Variants in MYO16 observed in about 807,000 individuals in gnomAD.
MYO16 encodes the protein myosin XVI, also known as unconventional myosin-XVI.
MYO16 carries 94 observed loss-of-function variants against 205.3 expected under a neutral mutation model. The observed-to-expected ratio is 0.46, with a 90% CI of 0.39 to 0.54. The LOEUF (loss-of-function observed/expected upper bound fraction) is 0.54, where lower values mean the gene tolerates loss of function less well. Among genes scored for constraint, MYO16 ranks in the 20% least tolerant of loss-of-function variants. The probability of loss-of-function intolerance (pLI) is 0.00; values close to 1 mark genes in which losing one functional copy is unlikely to be tolerated. For synonymous variants in MYO16, 988 were observed against 954.0 expected, an observed-to-expected ratio of 1.04 and a Z score of -0.66; for missense variants, 2,315 against 2,387.5, an observed-to-expected ratio of 0.97 and a Z score of 0.63.
At chr13:108,675,409 G>A (rs1422130806) in intron 2 of MYO16, among the ~76,000 whole-genome samples, 2 of 152,188 alleles carry the variant, frequency 1.3e-5, no homozygotes, top group Non-Finnish European at 2.9e-5. Flanking sequence ...ACAAAAGCTT[G>A]CAAATTAATT....
At chr13:109,185,780 C>T (rs528128352) in intron 34 of MYO16, among the ~76,000 whole-genome samples, 2 of 152,290 alleles carry the variant, frequency 1.3e-5, no homozygotes, top group African/African-American at 2.4e-5. Flanking sequence ...GAAGTTTGCA[C>T]GTAGCCCTTC....
Position 109,140,763 on chromosome 13 carries a change from C to A in MYO16, c.4551C>A (p.Phe1517Leu), listed in dbSNP as rs754916400. ...CGCACCGGCCGCCCCTGCTGGTGTTCCCCCCGACCCCCGTCACCTGCTCCC... is the reference window on the plus strand; with the variant it reads ...CGCACCGGCCGCCCCTGCTGGTGTTACCCCCGACCCCCGTCACCTGCTCCC... The part of the protein sequence containing the change: ...LLPHRPPLLV[F>L]PPTPVTCSPA... The change falls in exon 32 of 35, where the codon TTC becomes TTA. Residue 1517 changes from phenylalanine to leucine, a missense_variant. Phe to Leu is a conservative substitution (Grantham distance 22). Coordinates refer to ENST00000457511, the MANE Select transcript of MYO16 (RefSeq NM_001198950.3). This position sits in a 1 kb window ranked among gnomAD's most constrained non-coding sequence, Gnocchi z 8.0. The A allele has an allele frequency of 1.1e-5, 17 of 1,542,660 alleles. No individual in the cohort carries two copies. In the South Asian group the frequency reaches 2.0e-4, roughly 19 times the overall value.
Position 108,663,299 on chromosome 13 carries a change from T to C in MYO16, c.29-2587T>C, listed in dbSNP as rs141138295. Among the ~76,000 whole-genome samples, 76 of 145,804 alleles carry C rather than the reference T, an allele frequency of 5.2e-4. No homozygotes were observed. The East Asian group carries it at 5.3e-3, about 10-fold the overall frequency. On this transcript the variant is annotated intron_variant, in intron 1 of 34. Transcript: ENST00000457511. ...TCCCCTGAATCCCTGTGTTATCTTA[T>C]AGATTCTTTCTTTATTTTTTTTTTG... is the stretch of plus-strand genomic sequence containing the variant.
intron 11 of MYO16, among the ~76,000 whole-genome samples, chr13:108,858,662 G>A (rs1878311868): frequency 6.6e-6 from 1 of 152,134 alleles, no homozygotes; most frequent in African/African-American, 2.4e-5. Context: ...CTGCAAATAA[G>A]TGTCTGGGCT....
rs1047637715 is a variant in MYO16 at position 108,946,882 on chromosome 13, C to T, written c.1926-10806C>T. Among the ~76,000 whole-genome samples the T allele has an allele frequency of 8.5e-5, 13 of 152,280 alleles. No homozygotes were observed. The South Asian group carries it at 1.5e-3, about 17-fold the overall frequency. On this transcript the variant is annotated intron_variant, in intron 16 of 34. Transcript: ENST00000457511. ...TCAGCCTCCCAAATAGCAGGGACTA[C>T]AGTTACAGGCCACTATGCCCAGCTA...
At position 108,763,370 on chromosome 13, in the gene MYO16, C is replaced by T. The variant is rs147182502; in HGVS notation, c.508-22265C>T. Among the ~76,000 whole-genome samples the T allele has an allele frequency of 3.0e-3, 459 of 152,148 alleles. 4 individuals are homozygous for T. The highest frequency in any genetic ancestry group is 5.4e-3 in the Non-Finnish European group (368 of 68,010). ...CTATAGAAACTCACATGGGGGATGC[C>T]CCACCTAGTCTAATGGACCCTGAGA... On this transcript the variant is annotated intron_variant, in intron 4 of 34. Transcript: ENST00000457511.
chr13:109,117,108 C>T (rs1340832651), intron 28 of MYO16, among the ~76,000 whole-genome samples: 1 of 147,056 alleles, frequency 6.8e-6, no homozygotes, highest in Non-Finnish European at 1.5e-5. Context: ...TATTCTATCA[C>T]CTGCCACCTT....
At chr13:108,758,480 G>A (rs538171183) in intron 4 of MYO16, among the ~76,000 whole-genome samples, 1 of 152,242 alleles carries the variant, frequency 6.6e-6, no homozygotes, top group African/African-American at 2.4e-5. Flanking sequence ...ACTATTGCTT[G>A]ATTTTCACAC....
At chr13:108,814,018 C>T (rs970760723) in intron 7 of MYO16, among the ~76,000 whole-genome samples, 1 of 152,136 alleles carries the variant, frequency 6.6e-6, no homozygotes, top group Admixed American at 6.5e-5. Context: ...TTATTTCACA[C>T]ATGAATGTTT....
chr13:108,633,924 G>A lies in MYO16; in HGVS notation c.28+4052G>A, dbSNP rs1880103063. Reference sequence around the variant, plus strand: ...TCTCCCATATCCTGCTCTCCGCCTGGTCCAGCGCCCATAGTCCATTGCTGA... The same window carrying A: ...TCTCCCATATCCTGCTCTCCGCCTGATCCAGCGCCCATAGTCCATTGCTGA... On this transcript the variant is annotated intron_variant, in intron 1 of 34. Coordinates refer to ENST00000457511, the MANE Select transcript of MYO16 (RefSeq NM_001198950.3). Among the ~76,000 whole-genome samples the A allele has an allele frequency of 2.0e-5, 3 of 152,018 alleles. No homozygotes were observed. The South Asian group carries it at 6.2e-4, about 32-fold the overall frequency.
chr13:109,097,363 G>A (rs963027138), intron 27 of MYO16, among the ~76,000 whole-genome samples: 1 of 152,036 alleles, frequency 6.6e-6, no homozygotes, highest in African/African-American at 2.4e-5. Context: ...AGAATCATTA[G>A]GGGATGCCCA....
At chr13:108,953,914 C>G (rs1229818438) in intron 16 of MYO16, among the ~76,000 whole-genome samples, 1 of 152,128 alleles carries the variant, frequency 6.6e-6, no homozygotes, top group Non-Finnish European at 1.5e-5. Flanking sequence ...GAGGAAAATG[C>G]TCACAACCAA....
At chr13:109,135,696 G>A (rs1233724960) in intron 31 of MYO16, among the ~76,000 whole-genome samples, 1 of 152,186 alleles carries the variant, frequency 6.6e-6, no homozygotes, top group African/African-American at 2.4e-5. Flanking sequence ...TCATTTTTGT[G>A]TTCAGGCTGC....
At chr13:108,796,709 T>C (rs547535720) in intron 6 of MYO16, among the ~76,000 whole-genome samples, 22 of 143,592 alleles carry the variant, frequency 1.5e-4, no homozygotes, top group African/African-American at 5.4e-4. Context: ...TAGGTGGGAA[T>C]TGAATAATGA....
At chr13:109,099,281 C>T (rs1266225366) in intron 27 of MYO16, among the ~76,000 whole-genome samples, 1 of 152,198 alleles carries the variant, frequency 6.6e-6, no homozygotes, top group Non-Finnish European at 1.5e-5. Flanking sequence ...ACATTATTCT[C>T]ATAGGCTAAA....
chr13:109,192,939 C>T (rs1422993971), intron 34 of MYO16, among the ~76,000 whole-genome samples: 1 of 152,158 alleles, frequency 6.6e-6, no homozygotes, highest in Non-Finnish European at 1.5e-5. Flanking sequence ...ATTTATAGCA[C>T]CTAAGTTTAG....
the MYO16 span, among the ~76,000 whole-genome samples, chr13:108,496,575 C>A: frequency 1.3e-5 from 2 of 152,212 alleles, no homozygotes; most frequent in African/African-American, 2.4e-5. Context: ...GCGCATCGCC[C>A]CGTCTTCCCT....
At chr13:109,046,440 A>G (rs1385318885) in intron 23 of MYO16, among the ~76,000 whole-genome samples, 1 of 152,190 alleles carries the variant, frequency 6.6e-6, no homozygotes, top group Non-Finnish European at 1.5e-5. Flanking sequence ...AGAAATCCAG[A>G]ATTAATTGTT....
chr13:108,633,625 G>A (rs923941340), intron 1 of MYO16, among the ~76,000 whole-genome samples: 5 of 152,078 alleles, frequency 3.3e-5, no homozygotes, highest in African/African-American at 9.7e-5. Context: ...CATCACCCTT[G>A]CAGACACACC....
Sources: allele counts gnomAD v4.1 joint callset (sites outside exome capture counted in the v4.1 genomes callset), GRCh38; gene constraint gnomAD v4.1.1; non-coding constraint Gnocchi (gnomAD v3.1); transcripts MANE v1.5; gene names NCBI Gene and HGNC (gene_info 2026-07-23, HGNC 2026-07-21).